The following ZHX3 variants were observed in gnomAD, a reference collection of about 807,000 sequenced individuals.
ZHX3 encodes zinc fingers and homeoboxes 3, also known as zinc fingers and homeoboxes protein 3.
A neutral mutation model predicts 64.5 loss-of-function variants in ZHX3; 20 were observed. That is an observed-to-expected ratio of 0.31 (90% CI 0.22 to 0.45). The LOEUF is 0.45. Ranked by LOEUF, ZHX3 falls within the 20% of genes least tolerant of loss-of-function variation. The pLI is 1.00. For missense variants in ZHX3, 1,041 were observed against 1,195.8 expected (o/e 0.87, Z 1.91); for synonymous variants, 423 against 461.6 (o/e 0.92, Z 1.07).
chr20:41,299,757 G>A (rs373873307), intron 1 of ZHX3, among the ~76,000 whole-genome samples: 1 of 151,708 alleles, frequency 6.6e-6, no homozygotes. Context: ...AGTTACTCAG[G>A]AGGCTGAGGC....
rs899029629 is a variant in ZHX3, at chr20:41,300,218, G to A, written c.-245+17291C>T. 5.3e-5 allele frequency: 8 copies of A among 152,308 alleles called. No individual in the cohort carries two copies. In the East Asian group the frequency reaches 1.5e-3, roughly 29 times the overall value. The allele number at this position is 152,308 out of a possible 1,614,324, so 9.4% of individuals were successfully genotyped here. ...TAACAGGCTTTGGGATGGGAGGGTA[G>A]GAGTGGAGATCCAAATTACCAGGCA... On this transcript the variant is annotated intron_variant, in intron 1 of 3. Transcript: ENST00000683867.
At chr20:41,297,356 C>A (rs935801328) in intron 1 of ZHX3, among the ~76,000 whole-genome samples, 5 of 152,198 alleles carry the variant, frequency 3.3e-5, no homozygotes, top group African/African-American at 1.2e-4. Flanking sequence ...CCTTGGGACC[C>A]TGTGAATTGA....
chr20:41,294,626 G>A (rs1318355508), intron 1 of ZHX3, among the ~76,000 whole-genome samples: 1 of 152,052 alleles, frequency 6.6e-6, no homozygotes, highest in East Asian at 1.9e-4. Flanking sequence ...GCCTCCCAAA[G>A]TGCTGGGATT....
At chr20:41,207,323 G>T (rs111934043) in intron 2 of ZHX3, among the ~76,000 whole-genome samples, 3 of 151,718 alleles carry the variant, frequency 2.0e-5, no homozygotes, top group Non-Finnish European at 4.4e-5. Context: ...AATGTAAATG[G>T]GCTAAATGCA....
chr20:41,196,502 T>TAATATATATATTTA, intron 3 of ZHX3: 1 of 13,996 alleles, frequency 7.1e-5, no homozygotes, highest in African/African-American at 2.4e-4. Flanking sequence ...ATATTATATA[T>TAATATATATATTTA]TATAAATATA....
Position 41,278,570 on chromosome 20 carries a change from C to G in ZHX3, c.-244-9487G>C, listed in dbSNP as rs1041925690. 2.6e-4 allele frequency among the ~76,000 whole-genome samples: 36 copies of G among 140,932 alleles called. 6 individuals carry two copies. The highest frequency in any genetic ancestry group is 7.8e-5 in the Non-Finnish European group (5 of 64,318). The allele number at this position is 140,932 out of a possible 152,430, so 92.5% of individuals were successfully genotyped here. On this transcript the variant is annotated intron_variant, in intron 1 of 3. Coordinates refer to ENST00000683867, the MANE Select transcript of ZHX3 (RefSeq NM_001384317.1). ...TCTTTTATTACTACTGAGGTTAAAT[C>G]TTTTCATGTGATTAGCGGCCATTCA...
chr20:41,293,387 T>C (rs983955917), intron 1 of ZHX3, among the ~76,000 whole-genome samples: 2 of 152,220 alleles, frequency 1.3e-5, no homozygotes, highest in African/African-American at 4.8e-5. Flanking sequence ...GGGCCCCTCC[T>C]GTTCCTCATT....
In ZHX3 at chr20:41,202,165, C is replaced by T; in HGVS notation, c.2752G>A (p.Asp918Asn). The T allele has an allele frequency of 1.2e-6, 2 of 1,614,180 alleles. No individual in the cohort carries two copies. Among genetic ancestry groups the T allele is most frequent in the East Asian group, 2.2e-5 (1 of 44,880 alleles). ...ELTAVHKGMG[D>N]TYSEVSENSE... is the part of the protein sequence containing the mutation. ...TTCTCAGACACCTCTGAATAGGTGT[C>T]ACCCATCCCTTTGTGAACTGCTGTG... Residue 918 changes from aspartate (D) to asparagine (N), a missense_variant, in exon 3 of 4, where the codon GAC becomes AAC. Transcript: ENST00000683867. The surrounding 1 kb of genome is among the most constrained non-coding windows in gnomAD (Gnocchi z 7.0).
intron 2 of ZHX3, among the ~76,000 whole-genome samples, chr20:41,210,170 T>C (rs916588736): frequency 1.9e-4 from 29 of 152,214 alleles, no homozygotes; most frequent in Non-Finnish European, 3.2e-4. Context: ...CCAGTTAGAA[T>C]GGCGACCATT....
At chr20:41,316,256 A>G (rs932927921) in intron 1 of ZHX3, among the ~76,000 whole-genome samples, 6 of 152,120 alleles carry the variant, frequency 3.9e-5, no homozygotes, top group Non-Finnish European at 1.5e-5. Context: ...GGCCCTTTTC[A>G]TTCATTTTCT....
chr20:41,204,178 C>T lies in ZHX3; in HGVS notation c.739G>A (p.Ala247Thr). The change falls in exon 3 of 4, where the codon GCA becomes ACA. Residue 247 changes from alanine to threonine, a missense_variant. Coordinates refer to ENST00000683867, the MANE Select transcript of ZHX3 (RefSeq NM_001384317.1). This position sits in a 1 kb window ranked among gnomAD's most constrained non-coding sequence, Gnocchi z 6.6. ...CCGTTGGCGGCATGGGGGTTTTTTG[C>T]AGAGCTGGCAGATGCCTGGCTGACT... ...VPVSQASASS[A>T]KNPHAANGPL... The T allele has an allele frequency of 1.9e-6, 3 of 1,607,906 alleles. No homozygotes were observed. Among genetic ancestry groups the T allele is most frequent in the Non-Finnish European group, 2.5e-6 (3 of 1,177,062 alleles).
rs1454830008 is a variant in ZHX3 at position 41,185,419 on chromosome 20, ACT to A, written c.2861-220_2861-219del. On this transcript the variant is annotated intron_variant, in intron 3 of 3. Transcript: ENST00000683867. This position sits in a 1 kb window ranked among gnomAD's most constrained non-coding sequence, Gnocchi z 5.0. The stretch of plus-strand genomic sequence containing the variant: ...TGGCTCAACCTTGTAAGGCCATCAG[ACT>A]CTCTGAGAGACCCTGCTAAACCCTA... 6.6e-6 allele frequency among the ~76,000 whole-genome samples: 1 copy of A among 151,928 alleles called. No homozygotes were observed. Among genetic ancestry groups the A allele is most frequent in the African/African-American group, 2.4e-5 (1 of 41,316 alleles).
At chr20:41,266,184 C>T (rs553654471) in intron 2 of ZHX3, among the ~76,000 whole-genome samples, 8 of 152,248 alleles carry the variant, frequency 5.3e-5, no homozygotes, top group Admixed American at 5.2e-4. Context: ...TTTTAAAAGA[C>T]TTTAAAGGTG....
intron 2 of ZHX3, among the ~76,000 whole-genome samples, chr20:41,266,113 C>A (rs1378534590): frequency 6.6e-6 from 1 of 152,156 alleles, no homozygotes; most frequent in Non-Finnish European, 1.5e-5. Flanking sequence ...AGATAAATTT[C>A]TAGAAATGCT....
chr20:41,295,291 A>T (rs2044452241), intron 1 of ZHX3, among the ~76,000 whole-genome samples: 1 of 152,234 alleles, frequency 6.6e-6, no homozygotes, highest in South Asian at 2.1e-4. Context: ...GAATGCAGCA[A>T]GGCATAAAAA....
At chr20:41,196,803 A>G (rs1313795767) in intron 3 of ZHX3, 1 of 168,062 alleles carries the variant, frequency 6.0e-6, no homozygotes, top group Non-Finnish European at 1.3e-5. Flanking sequence ...AAAAAAAAAG[A>G]TTCACACATC....
chr20:41,245,292 G>A (rs1295733729), intron 2 of ZHX3, among the ~76,000 whole-genome samples: 1 of 152,226 alleles, frequency 6.6e-6, no homozygotes. Flanking sequence ...GTGGCCAGGG[G>A]CTTGTTTGGC....
intron 3 of ZHX3, among the ~76,000 whole-genome samples, chr20:41,187,740 A>G (rs2036645063): frequency 6.6e-6 from 1 of 152,122 alleles, no homozygotes; most frequent in Non-Finnish European, 1.5e-5. Flanking sequence ...CAGTTTGTCT[A>G]TTTGGGGTCC....
rs771909198 is a variant in ZHX3 at position 41,275,017 on chromosome 20, C to T, written c.-244-5934G>A. The stretch of plus-strand genomic sequence containing the variant: ...ACTAAAAATACAAAAATTAGCTGGG[C>T]GTGGAGGCGGGCACCTGTTAATTCC... On this transcript the variant is annotated intron_variant, in intron 1 of 3. Coordinates refer to ENST00000683867, the MANE Select transcript of ZHX3 (RefSeq NM_001384317.1). Among the ~76,000 whole-genome samples, 4 of 151,992 alleles carry T rather than the reference C, an allele frequency of 2.6e-5. No homozygotes were observed. The East Asian group carries it at 5.8e-4, about 22-fold the overall frequency.
Sources: allele counts gnomAD v4.1 joint callset (sites outside exome capture counted in the v4.1 genomes callset), GRCh38; gene constraint gnomAD v4.1.1; non-coding constraint Gnocchi (gnomAD v3.1); transcripts MANE v1.5; gene names NCBI Gene and HGNC (gene_info 2026-07-23, HGNC 2026-07-21).